The following ANKRD55 variants were observed in gnomAD, a reference collection of about 807,000 sequenced individuals.
ANKRD55 encodes ankyrin repeat domain-containing protein 55.
A neutral mutation model predicts 60.6 loss-of-function variants in ANKRD55; 41 were observed. The ratio of observed to expected loss-of-function variants is 0.68; its 90% CI spans 0.53 to 0.88. The LOEUF is 0.88. Among genes scored for constraint, ANKRD55 ranks in the 40% least tolerant of loss-of-function variants. The pLI is 0.00. For synonymous variants in ANKRD55, 264 were observed against 290.3 expected, an observed-to-expected ratio of 0.91 and a Z score of 0.92; for missense variants, 732 against 767.6, an observed-to-expected ratio of 0.95 and a Z score of 0.55.
At chr5:56,229,045 G>A (rs2111901256) in intron 2 of ANKRD55, among the ~76,000 whole-genome samples, 1 of 150,974 alleles carries the variant, frequency 6.6e-6, no homozygotes, top group South Asian at 2.1e-4. Flanking sequence ...AAGAGTGGGT[G>A]AGGCCCTGAG....
At chr5:56,164,779 T>A (rs376144923) in intron 5 of ANKRD55, among the ~76,000 whole-genome samples, 1 of 152,344 alleles carries the variant, frequency 6.6e-6, no homozygotes. Flanking sequence ...AACTTGGACC[T>A]GCTGAGAAGC....
intron 2 of ANKRD55, among the ~76,000 whole-genome samples, chr5:56,216,914 A>C (rs752284991): frequency 6.6e-6 from 1 of 152,262 alleles, no homozygotes; most frequent in Non-Finnish European, 1.5e-5. Flanking sequence ...GTCATTGATG[A>C]ACGTGGCTAT....
At chr5:56,168,862 T>G (rs1399995327) in intron 5 of ANKRD55, among the ~76,000 whole-genome samples, 1 of 152,190 alleles carries the variant, frequency 6.6e-6, no homozygotes, top group Non-Finnish European at 1.5e-5. Flanking sequence ...TCTGATAAAC[T>G]TTTTGTTTTT....
rs879320281 is a variant in ANKRD55 at position 56,135,237 on chromosome 5, TC to T, written c.613-8132del. On this transcript the variant is annotated intron_variant, in intron 7 of 11. Coordinates refer to ENST00000341048, the MANE Select transcript of ANKRD55 (RefSeq NM_024669.3). ...TTCCTTCCTTCCTTCCTTCCTTCCT[TC>T]CTTCCTTCCTTCCTTCCTTCCTTCT... Among the ~76,000 whole-genome samples the T allele has an allele frequency of 7.5e-3, 1,067 of 141,682 alleles. 29 individuals are homozygous for T. The highest frequency in any genetic ancestry group is 0.022 in the South Asian group (94 of 4,288). 92.9% of individuals were successfully genotyped at this position (141,682 alleles called of 152,430 possible). A position where few individuals can be genotyped will look rare whatever the true frequency, so the allele number is the denominator to read the frequency against.
intron 8 of ANKRD55, among the ~76,000 whole-genome samples, chr5:56,125,376 G>A (rs1254037015): frequency 6.6e-6 from 1 of 151,790 alleles, no homozygotes; most frequent in Non-Finnish European, 1.5e-5. Context: ...TGCCTCTTGG[G>A]TTCAAGCGAT....
intron 10 of ANKRD55, among the ~76,000 whole-genome samples, chr5:56,103,330 G>A (rs866710344): frequency 3.3e-5 from 5 of 152,132 alleles, no homozygotes; most frequent in African/African-American, 4.8e-5. Context: ...TATTTACACC[G>A]TGAAAAATCA....
rs748881963 is a variant in ANKRD55, at chr5:56,100,235, G to A, written c.1793C>T (p.Thr598Ile). ...AGAATGTTCACTCTCTTCTGCTGCT[G>A]TGCTGTGTCTTCGTTGACTTGGAAT... ...PAIPSQRRHS[T>I]AAEESEHSAN... The change falls in exon 12 of 12, where the codon ACA becomes ATA. Residue 598 changes from threonine to isoleucine, a missense_variant. By Grantham distance (89) the Thr-to-Ile change is moderately conservative. Transcript: ENST00000341048. 4 of 1,614,080 alleles carry A rather than the reference G, an allele frequency of 2.5e-6. No individual in the cohort carries two copies. The highest frequency in any genetic ancestry group is 1.3e-5 in the African/African-American group (1 of 74,924).
In ANKRD55 at chr5:56,163,276, A is replaced by G. The variant is rs371178108; in HGVS notation, c.423-3383T>C. ...TACAGTGGCTCAGTGATACAGCCTG[A>G]ACCAGAAACCAGGTGTCTCATTGCC... On this transcript the variant is annotated intron_variant, in intron 5 of 11. Coordinates refer to ENST00000341048, the MANE Select transcript of ANKRD55 (RefSeq NM_024669.3). Among the ~76,000 whole-genome samples, 19 of 152,302 alleles carry G rather than the reference A, an allele frequency of 1.2e-4. No homozygotes were observed. The East Asian group carries it at 1.7e-3, about 14-fold the overall frequency.
intron 10 of ANKRD55, among the ~76,000 whole-genome samples, chr5:56,104,397 T>C (rs1756386609): frequency 6.6e-6 from 1 of 152,128 alleles, no homozygotes; most frequent in South Asian, 2.1e-4. Context: ...CTGCCTCCTC[T>C]AAGCAGATGG....
At position 56,099,783 on chromosome 5, in the gene ANKRD55, G is replaced by T. The variant is rs3930044; in HGVS notation, c.*400C>A. The T allele has an allele frequency of 0.17, 25,594 of 151,028 alleles. 5,093 individuals are homozygous for T. Among genetic ancestry groups the T allele is most frequent in the African/African-American group, 0.51 (20,021 of 39,034 alleles). 9.4% of individuals were successfully genotyped at this position (151,028 alleles called of 1,614,324 possible). A position where few individuals can be genotyped will look rare whatever the true frequency, so the allele number is the denominator to read the frequency against. On this transcript the variant is annotated 3_prime_UTR_variant, in exon 12 of 12. Coordinates refer to ENST00000341048, the MANE Select transcript of ANKRD55 (RefSeq NM_024669.3). ...TTGTCTGGGATGTGGTTTTTTTTTT[G>T]TTTTGTTTTTTGCTTTTATTCAGCA... is the stretch of plus-strand genomic sequence containing the variant.
chr5:56,157,537 T>C (rs1016510499), intron 6 of ANKRD55, among the ~76,000 whole-genome samples: 1 of 152,250 alleles, frequency 6.6e-6, no homozygotes, highest in Non-Finnish European at 1.5e-5. Flanking sequence ...TAAAACCCAG[T>C]TGTATATTCC....
chr5:56,107,859 T>G (rs1247840840), intron 10 of ANKRD55, among the ~76,000 whole-genome samples: 1 of 150,654 alleles, frequency 6.6e-6, no homozygotes, highest in African/African-American at 2.4e-5. Context: ...TTCTTTCATG[T>G]GATAGCAATA....
At chr5:56,109,046 CA>C in intron 10 of ANKRD55, among the ~76,000 whole-genome samples, 1 of 97,780 alleles carries the variant, frequency 1.0e-5, no homozygotes, top group South Asian at 3.1e-4. Context: ...AAAACACACA[CA>C]CACACACACA....
rs147198114 is a variant in ANKRD55, at chr5:56,199,954, G to A, written c.59-16320C>T. ...GAGACCAGTAGTTGGAGACCAGCCT[G>A]AGCAACACAGCATCTCTACAATTGT... is the stretch of plus-strand genomic sequence containing the variant. On this transcript the variant is annotated intron_variant, in intron 2 of 11. Transcript: ENST00000341048. Among the ~76,000 whole-genome samples, 101 of 151,964 alleles carry A rather than the reference G, an allele frequency of 6.6e-4. No individual in the cohort carries two copies. The East Asian group carries it at 0.019, about 29-fold the overall frequency.
In ANKRD55 at chr5:56,183,652, A is replaced by C; in HGVS notation, c.59-18T>G. 6.2e-7 allele frequency: 1 copy of C among 1,613,562 alleles called. No individual in the cohort carries two copies. The highest frequency in any genetic ancestry group is 1.1e-5 in the South Asian group (1 of 90,964). ...TGAGTCACCTTCATGCATAAAACAG[A>C]CACAATGTTAGTGTGTGGAGCCAGT... On this transcript the variant is annotated intron_variant, in intron 2 of 11. Coordinates refer to ENST00000341048, the MANE Select transcript of ANKRD55 (RefSeq NM_024669.3).
At chr5:56,101,170 C>G (rs772893700) in intron 11 of ANKRD55, among the ~76,000 whole-genome samples, 1 of 152,204 alleles carries the variant, frequency 6.6e-6, no homozygotes, top group African/African-American at 2.4e-5. Flanking sequence ...TTGTCTCCTT[C>G]AAACCCTAGC....
intron 1 of ANKRD55, 98 bp from the exon 2 acceptor site, chr5:56,233,044 T>C (rs1307655661): frequency 1.3e-6 from 1 of 790,348 alleles, no homozygotes; most frequent in Non-Finnish European, 2.1e-6. Context: ...TAAATGTGCA[T>C]CAGAGCTGCA....
chr5:56,135,352 T>TTTC (rs1757560958), intron 7 of ANKRD55, among the ~76,000 whole-genome samples: 1 of 18,884 alleles, frequency 5.3e-5, no homozygotes, highest in Non-Finnish European at 1.1e-4. Context: ...TCTTTCTTTC[T>TTTC]TTCTTTCTTT....
intron 6 of ANKRD55, among the ~76,000 whole-genome samples, chr5:56,144,205 T>C (rs1290943841): frequency 6.6e-6 from 1 of 152,196 alleles, no homozygotes; most frequent in Non-Finnish European, 1.5e-5. Flanking sequence ...AAGGCAGATA[T>C]TAAATGCACA....
Sources: gnomAD v4.1 joint callset for allele counts (sites outside exome capture counted in the v4.1 genomes callset) on GRCh38, gnomAD v4.1.1 for gene constraint, MANE v1.5 for transcripts, NCBI Gene and HGNC (gene_info 2026-07-23, HGNC 2026-07-21) for gene names.